Variants in GALNTL6 observed in about 807,000 individuals in gnomAD.
GALNTL6 encodes polypeptide N-acetylgalactosaminyltransferase-like 6.
A neutral mutation model predicts 73.7 loss-of-function variants in GALNTL6; 46 were observed. The ratio of observed to expected loss-of-function variants is 0.62; its 90% CI spans 0.49 to 0.80. GALNTL6 has a LOEUF of 0.80. GALNTL6 is among the 30% of genes least tolerant of loss of function. The probability of loss-of-function intolerance (pLI) is 0.00; values close to 1 mark genes in which losing one functional copy is unlikely to be tolerated. For synonymous variants in GALNTL6, 259 were observed against 263.7 expected (o/e 0.98, Z 0.17); for missense variants, 604 against 755.0 (o/e 0.80, Z 2.34).
intron 5 of GALNTL6, among the ~76,000 whole-genome samples, chr4:172,647,413 C>T (rs2111140018): frequency 6.6e-6 from 1 of 152,136 alleles, no homozygotes; most frequent in Non-Finnish European, 1.5e-5. Context: ...TACTCTTCTT[C>T]AATGTATTGC....
intron 10 of GALNTL6, among the ~76,000 whole-genome samples, chr4:172,982,413 GTTTA>G (rs1231158901): frequency 1.3e-5 from 2 of 152,182 alleles, no homozygotes; most frequent in Non-Finnish European, 2.9e-5. Flanking sequence ...AAGCTTCTTT[GTTTA>G]TTTGTGTGAG....
intron 5 of GALNTL6, among the ~76,000 whole-genome samples, chr4:172,380,971 G>T (rs1042923011): frequency 1.3e-5 from 2 of 152,156 alleles, no homozygotes; most frequent in Non-Finnish European, 2.9e-5. Flanking sequence ...AAATCTGAAT[G>T]TTATTTTAAC....
chr4:171,879,568 A>C lies in GALNTL6; in HGVS notation c.138+64850A>C, dbSNP rs184744837. ...TATTATTTTAGTACACATGAATATG[A>C]TTAGACAATTCATCAGTTTGTTCAA... is the stretch of plus-strand genomic sequence containing the variant. On this transcript the variant is annotated intron_variant, in intron 2 of 12. Transcript: ENST00000506823. Among the ~76,000 whole-genome samples the C allele has an allele frequency of 3.3e-5, 5 of 152,334 alleles. No individual in the cohort carries two copies. The East Asian group carries it at 9.6e-4, about 29-fold the overall frequency.
chr4:172,138,411 C>CT (rs562028285), intron 2 of GALNTL6, among the ~76,000 whole-genome samples: 59 of 102,936 alleles, frequency 5.7e-4, no homozygotes, highest in East Asian at 3.7e-3. Flanking sequence ...CTTCATTTTC[C>CT]TTTTTTTTTG....
chr4:172,439,850 G>A (rs559378679), intron 5 of GALNTL6, among the ~76,000 whole-genome samples: 107 of 151,900 alleles, frequency 7.0e-4, no homozygotes, highest in African/African-American at 2.5e-3. Flanking sequence ...TTGCCCAGTT[G>A]GTTTCCCCCA....
intron 7 of GALNTL6, among the ~76,000 whole-genome samples, chr4:172,850,698 A>C (rs1308878258): frequency 6.6e-6 from 1 of 152,160 alleles, no homozygotes; most frequent in Non-Finnish European, 1.5e-5. Context: ...CACAAGTCTT[A>C]TGTTGTAACC....
chr4:172,074,834 T>C (rs532880162), intron 2 of GALNTL6, among the ~76,000 whole-genome samples: 109 of 152,290 alleles, frequency 7.2e-4, no homozygotes, highest in Admixed American at 1.5e-3. Flanking sequence ...ACTAAGGAGA[T>C]GTTTTCTTGA....
intron 10 of GALNTL6, among the ~76,000 whole-genome samples, chr4:172,956,528 G>C (rs1325912670): frequency 6.6e-6 from 1 of 152,276 alleles, no homozygotes; most frequent in East Asian, 1.9e-4. Flanking sequence ...CAGCTGTGAT[G>C]GCTTGGAGAA....
At chr4:172,908,764 A>C (rs191652571) in intron 8 of GALNTL6, among the ~76,000 whole-genome samples, 1 of 149,296 alleles carries the variant, frequency 6.7e-6, no homozygotes, top group East Asian at 1.9e-4. Flanking sequence ...GAAATGTGCA[A>C]AACTCTGTCA....
chr4:171,858,073 T>C (rs1426519682), intron 2 of GALNTL6, among the ~76,000 whole-genome samples: 2 of 152,164 alleles, frequency 1.3e-5, no homozygotes, highest in African/African-American at 2.4e-5. Flanking sequence ...TTAGAGATAC[T>C]TGGGATTTTG....
rs796869634 is a variant in GALNTL6 at position 172,231,571 on chromosome 4, A to G, written c.247+1807A>G. 7.2e-5 allele frequency among the ~76,000 whole-genome samples: 11 copies of G among 152,282 alleles called. No homozygotes were observed. In the South Asian group the frequency reaches 2.3e-3, roughly 32 times the overall value. On this transcript the variant is annotated intron_variant, in intron 3 of 12. Coordinates refer to ENST00000506823, the MANE Select transcript of GALNTL6 (RefSeq NM_001034845.3). Reference sequence around the variant, plus strand: ...TATGGAGTAATAGCAAGGACACAACAGGAGAAAGACACACCTAGGTTCAAA... The same window carrying G: ...TATGGAGTAATAGCAAGGACACAACGGGAGAAAGACACACCTAGGTTCAAA...
rs1731370197 is a variant in GALNTL6, at chr4:172,661,486, A to G, written c.554-147875A>G. ...TGAGTAAACTGACTACACTGGAAAT[A>G]ACAAGATGAACTTCAGGAATGCAGA... On this transcript the variant is annotated intron_variant, in intron 5 of 12. Coordinates refer to ENST00000506823, the MANE Select transcript of GALNTL6 (RefSeq NM_001034845.3). Among the ~76,000 whole-genome samples, 4 of 152,050 alleles carry G rather than the reference A, an allele frequency of 2.6e-5. No individual in the cohort carries two copies. The South Asian group carries it at 8.3e-4, about 31-fold the overall frequency.
At chr4:172,699,806 AC>A (rs1733919899) in intron 5 of GALNTL6, among the ~76,000 whole-genome samples, 12 of 132,278 alleles carry the variant, frequency 9.1e-5, no homozygotes, top group Admixed American at 7.9e-4. Context: ...TTGATGTATT[AC>A]AAAAAGAAAA....
At chr4:172,854,739 TTTC>T (rs1471232061) in intron 7 of GALNTL6, among the ~76,000 whole-genome samples, 1 of 152,228 alleles carries the variant, frequency 6.6e-6, no homozygotes, top group Non-Finnish European at 1.5e-5. Context: ...AAATTAACTC[TTTC>T]TCCTTGTTAT....
At position 172,479,735 on chromosome 4, in the gene GALNTL6, G is replaced by A. The variant is rs190612455; in HGVS notation, c.553+131046G>A. Among the ~76,000 whole-genome samples, 199 of 152,242 alleles carry A rather than the reference G, an allele frequency of 1.3e-3. 2 individuals carry two copies. The South Asian group carries it at 0.016, about 12-fold the overall frequency. On this transcript the variant is annotated intron_variant, in intron 5 of 12. Transcript: ENST00000506823. ...AAAGGAAAAAGAATCAGCTTTTCTCGCTTCATGTGTTTGTCGATGACCCAC... is the reference window on the plus strand; with the variant it reads ...AAAGGAAAAAGAATCAGCTTTTCTCACTTCATGTGTTTGTCGATGACCCAC...
At chr4:172,206,802 TCTGTTTTTTTTGTTTG>T (rs1560969286) in intron 2 of GALNTL6, among the ~76,000 whole-genome samples, 1,006 of 35,866 alleles carry the variant, frequency 0.028, 229 homozygotes, top group East Asian at 0.13. Context: ...GTTTTGTTTT[TCTGTTTTTTTTGTTTG>T]TTTTTTTTTT....
intron 5 of GALNTL6, among the ~76,000 whole-genome samples, chr4:172,745,601 G>C (rs1368116619): frequency 6.6e-6 from 1 of 151,948 alleles, no homozygotes; most frequent in Non-Finnish European, 1.5e-5. Flanking sequence ...GCCTGAGTAA[G>C]AAACTATAAG....
intron 2 of GALNTL6, among the ~76,000 whole-genome samples, chr4:171,888,046 A>G (rs992551133): frequency 2.6e-5 from 4 of 152,092 alleles, no homozygotes; most frequent in Non-Finnish European, 5.9e-5. Context: ...TGTTTTGCTA[A>G]CTAGACTATG....
intron 5 of GALNTL6, among the ~76,000 whole-genome samples, chr4:172,356,913 C>G (rs1483953039): frequency 6.6e-6 from 1 of 152,070 alleles, no homozygotes; most frequent in Non-Finnish European, 1.5e-5. Context: ...TGAAACAATT[C>G]TGATAACTAT....
Sources: allele counts gnomAD v4.1 joint callset (sites outside exome capture counted in the v4.1 genomes callset), GRCh38; gene constraint gnomAD v4.1.1; transcripts MANE v1.5; gene names NCBI Gene and HGNC (gene_info 2026-07-23, HGNC 2026-07-21).